The following TMEM267 variants were observed in gnomAD, a reference collection of about 807,000 sequenced individuals.
TMEM267 encodes transmembrane protein 267.
A neutral mutation model predicts 19.3 loss-of-function variants in TMEM267; 20 were observed. That is an observed-to-expected ratio of 1.04 (90% CI 0.73 to 1.51). The LOEUF is 1.51. Ranked by LOEUF, TMEM267 falls within the 40% of genes most tolerant of loss-of-function variation. TMEM267 has a pLI of 0.00. For missense variants in TMEM267, 242 were observed against 261.9 expected (o/e 0.92, Z 0.52); for synonymous variants, 88 against 90.3 (o/e 0.97, Z 0.15).
chr5:43,478,023 A>G (rs968470810), intron 1 of TMEM267, among the ~76,000 whole-genome samples: 52 of 152,252 alleles, frequency 3.4e-4, no homozygotes, highest in East Asian at 1.3e-3. Context: ...GGACACCATC[A>G]TAAGTAAAGG....
chr5:43,446,155 C>T lies in TMEM267; in HGVS notation c.*67G>A. ...ACCTAACTGTATTTTTAAAAATTAA[C>T]TTTAATGTTGGCTACTCTTAATTAT... On this transcript the variant is annotated 3_prime_UTR_variant, in exon 3 of 3. Transcript: ENST00000397080. The T allele has an allele frequency of 1.0e-6, 1 of 970,350 alleles. No individual in the cohort carries two copies. 60.1% of individuals were successfully genotyped at this position (970,350 alleles called of 1,614,324 possible).
intron 1 of TMEM267, among the ~76,000 whole-genome samples, chr5:43,478,671 T>C (rs530944735): frequency 6.6e-6 from 1 of 152,258 alleles, no homozygotes; most frequent in African/African-American, 2.4e-5. Context: ...TTAAGGGCTC[T>C]TAAAATTAAT....
chr5:43,470,109 C>T (rs191807632), intron 1 of TMEM267, among the ~76,000 whole-genome samples: 1 of 152,224 alleles, frequency 6.6e-6, no homozygotes, highest in East Asian at 1.9e-4. Context: ...TGAGTTGTCC[C>T]GCCTTTCCAG....
chr5:43,479,204 A>T (rs1217368019), intron 1 of TMEM267, among the ~76,000 whole-genome samples: 1 of 152,010 alleles, frequency 6.6e-6, no homozygotes, highest in African/African-American at 2.4e-5. Flanking sequence ...TAAGTATTCA[A>T]ATTTAAAAGA....
intron 1 of TMEM267, among the ~76,000 whole-genome samples, chr5:43,464,930 G>A (rs567750235): frequency 2.0e-5 from 3 of 152,254 alleles, no homozygotes; most frequent in South Asian, 4.1e-4. Context: ...CAAAAGCAAT[G>A]GCAACCAAAG....
At chr5:43,462,646 T>A (rs1268426658) in intron 1 of TMEM267, among the ~76,000 whole-genome samples, 1 of 152,128 alleles carries the variant, frequency 6.6e-6, no homozygotes, top group Non-Finnish European at 1.5e-5. Context: ...ATTGGCATAC[T>A]GAAGAATGCA....
chr5:43,447,710 A>G (rs962604674), intron 2 of TMEM267, among the ~76,000 whole-genome samples: 1 of 152,220 alleles, frequency 6.6e-6, no homozygotes, highest in African/African-American at 2.4e-5. Flanking sequence ...GTATTAACAT[A>G]AACACCAAAT....
intron 1 of TMEM267, among the ~76,000 whole-genome samples, chr5:43,466,983 T>C (rs1743765835): frequency 6.6e-6 from 1 of 151,830 alleles, no homozygotes; most frequent in Non-Finnish European, 1.5e-5. Context: ...ATCCTGTCTC[T>C]ACTAAAAATA....
intron 1 of TMEM267, among the ~76,000 whole-genome samples, chr5:43,457,116 A>G (rs1391765131): frequency 6.6e-6 from 1 of 152,242 alleles, no homozygotes; most frequent in African/African-American, 2.4e-5. Context: ...CAAAAATTAC[A>G]CAGTTAAAAC....
intron 1 of TMEM267, among the ~76,000 whole-genome samples, chr5:43,466,366 G>A (rs898806124): frequency 6.6e-6 from 1 of 151,830 alleles, no homozygotes; most frequent in Non-Finnish European, 1.5e-5. Flanking sequence ...AGTGCTGAAG[G>A]AAAAAAAACT....
intron 1 of TMEM267, among the ~76,000 whole-genome samples, chr5:43,462,041 A>C (rs560118356): frequency 6.6e-6 from 1 of 152,226 alleles, no homozygotes; most frequent in African/African-American, 2.4e-5. Context: ...AGTTGTGGCC[A>C]CAGGGGTGCT....
At chr5:43,478,054 T>C (rs754720809) in intron 1 of TMEM267, among the ~76,000 whole-genome samples, 1 of 152,238 alleles carries the variant, frequency 6.6e-6, no homozygotes, top group Non-Finnish European at 1.5e-5. Context: ...TAGATGAACA[T>C]GGGTTCTATC....
intron 1 of TMEM267, among the ~76,000 whole-genome samples, chr5:43,481,805 C>T (rs1244704699): frequency 1.3e-5 from 2 of 151,998 alleles, no homozygotes; most frequent in African/African-American, 4.8e-5. Context: ...AAGTCTTGAC[C>T]CCACAGAAAG....
At chr5:43,464,449 A>C (rs1472514487) in intron 1 of TMEM267, among the ~76,000 whole-genome samples, 2 of 152,214 alleles carry the variant, frequency 1.3e-5, no homozygotes, top group Non-Finnish European at 2.9e-5. Flanking sequence ...GAATTGGAAA[A>C]AACTACTTTA....
rs559536606 is a variant in TMEM267 at position 43,465,314 on chromosome 5, C to T, written c.-74-11271G>A. Among the ~76,000 whole-genome samples the T allele has an allele frequency of 9.2e-5, 14 of 152,292 alleles. 1 individual carries two copies. The East Asian group carries it at 2.5e-3, about 27-fold the overall frequency. The stretch of plus-strand genomic sequence containing the variant: ...TTCAAAAGTCAGGAAACAACAGGTG[C>T]TGGAGAGGATGTGGATGTGGAGAAA... On this transcript the variant is annotated intron_variant, in intron 1 of 2. Transcript: ENST00000397080.
intron 1 of TMEM267, among the ~76,000 whole-genome samples, chr5:43,483,597 A>AC (rs1744935750): frequency 6.6e-6 from 1 of 152,034 alleles, no homozygotes; most frequent in Admixed American, 6.6e-5. Flanking sequence ...CTCCTCGCAG[A>AC]CCCCAGGGCC....
intron 2 of TMEM267, among the ~76,000 whole-genome samples, chr5:43,448,691 G>A (rs1292401390): frequency 3.3e-5 from 5 of 151,738 alleles, no homozygotes; most frequent in Admixed American, 2.6e-4. Flanking sequence ...TAGGAGAATC[G>A]CTTGAACCTG....
chr5:43,459,640 C>T lies in TMEM267; in HGVS notation c.-74-5597G>A, dbSNP rs145974211. Among the ~76,000 whole-genome samples, 261 of 152,258 alleles carry T rather than the reference C, an allele frequency of 1.7e-3. 1 individual carries two copies. Among genetic ancestry groups the T allele is most frequent in the Middle Eastern group, 0.01 (3 of 292 alleles). On this transcript the variant is annotated intron_variant, in intron 1 of 2. Coordinates refer to ENST00000397080, the MANE Select transcript of TMEM267 (RefSeq NM_022483.5). ...AGAACTGAAAAGGATAAAATATTCACATCACAGTAAAGTTCTATGGGGTAA... is the reference window on the plus strand; with the variant it reads ...AGAACTGAAAAGGATAAAATATTCATATCACAGTAAAGTTCTATGGGGTAA...
chr5:43,479,129 T>A (rs1339005848), intron 1 of TMEM267, among the ~76,000 whole-genome samples: 2 of 152,008 alleles, frequency 1.3e-5, no homozygotes, highest in Non-Finnish European at 2.9e-5. Context: ...TGAAATAAAT[T>A]CCACAAATAT....
Sources: allele counts gnomAD v4.1 joint callset (sites outside exome capture counted in the v4.1 genomes callset), GRCh38; gene constraint gnomAD v4.1.1; transcripts MANE v1.5; gene names NCBI Gene and HGNC (gene_info 2026-07-23, HGNC 2026-07-21).